Variants in EZH2 observed in about 807,000 individuals in gnomAD.
EZH2 encodes the protein histone-lysine N-methyltransferase EZH2.
In EZH2, 18 loss-of-function variants were observed where a neutral mutation model predicts 98.4. The ratio of observed to expected loss-of-function variants is 0.18; its 90% CI spans 0.13 to 0.27. The LOEUF (loss-of-function observed/expected upper bound fraction) is 0.27. EZH2 is among the 10% of genes least tolerant of loss of function. The pLI, the probability that EZH2 is intolerant of heterozygous loss-of-function variation, is 1.00. For synonymous variants in EZH2, 338 were observed against 312.3 expected (o/e 1.08, Z -0.87); for missense variants, 470 against 935.1 (o/e 0.50, Z 6.49).
At chr7:148,843,249 G>C (rs1812958014) in intron 3 of EZH2, among the ~76,000 whole-genome samples, 1 of 151,194 alleles carries the variant, frequency 6.6e-6, no homozygotes, top group Non-Finnish European at 1.5e-5. Context: ...GTGGTGGCGT[G>C]TGACTGTAGT....
At position 148,884,251 on chromosome 7, in the gene EZH2, G is replaced by A. The variant is rs1365724658; in HGVS notation, c.-95C>T. 7.3e-5 allele frequency: 13 copies of A among 179,268 alleles called. No individual in the cohort carries two copies. In the East Asian group the frequency reaches 1.2e-3, roughly 17 times the overall value. The allele number at this position is 179,268 out of a possible 1,614,324, so 11.1% of individuals were successfully genotyped here. On this transcript the variant is annotated 5_prime_UTR_variant, in exon 1 of 20. Transcript: ENST00000320356. ...CCGCCGGGGCTCCACTGCCTTCTGA[G>A]TCCCACCGGGTGTCGGACGCGACCG... is the stretch of plus-strand genomic sequence containing the variant.
intron 8 of EZH2, among the ~76,000 whole-genome samples, chr7:148,824,176 G>A (rs1023554480): frequency 7.2e-5 from 11 of 152,038 alleles, no homozygotes; most frequent in African/African-American, 2.7e-4. Context: ...TTAGCTGGAC[G>A]TGGTGGCGGG....
At chr7:148,833,154 C>A (rs533571157) in intron 3 of EZH2, among the ~76,000 whole-genome samples, 2 of 151,124 alleles carry the variant, frequency 1.3e-5, no homozygotes, top group South Asian at 2.1e-4. Flanking sequence ...TTAAATCTTA[C>A]TTAATAAGAA....
chr7:148,846,417 T>C (rs1376458331), intron 3 of EZH2, 53 bp downstream of exon 3: 10 of 1,570,872 alleles, frequency 6.4e-6, no homozygotes, highest in Non-Finnish European at 8.7e-6. Context: ...AATGTTCCAA[T>C]AGCATAAACC....
chr7:148,884,231 G>C lies in EZH2; in HGVS notation c.-75C>G, dbSNP rs1411356297. 5.7e-6 allele frequency: 1 copy of C among 174,342 alleles called. No homozygotes were observed. The highest frequency in any genetic ancestry group is 1.2e-5 in the Non-Finnish European group (1 of 81,324). The allele number at this position is 174,342 out of a possible 1,614,324, so 10.8% of individuals were successfully genotyped here. A position where few individuals can be genotyped will look rare whatever the true frequency, so the allele number is the denominator to read the frequency against. ...CCCGCGCGCCGCCGCCGCCGCCGCC[G>C]GGGCTCCACTGCCTTCTGAGTCCCA... On this transcript the variant is annotated 5_prime_UTR_variant, in exon 1 of 20. Transcript: ENST00000320356.
intron 17 of EZH2, 88 bp from the exon 18 acceptor site, chr7:148,809,478 A>G: frequency 2.0e-6 from 2 of 1,024,688 alleles, no homozygotes; most frequent in Non-Finnish European, 2.9e-6. Context: ...GCAACTGGTT[A>G]CAGTTCTTCA....
rs1804808760 is a variant in EZH2, at chr7:148,817,270, G to A, written c.1362C>T (p.Asp454=). The A allele has an allele frequency of 6.2e-7, 1 of 1,613,884 alleles. No homozygotes were observed. The highest frequency in any genetic ancestry group is 8.5e-7 in the Non-Finnish European group (1 of 1,179,958). ...TTAACCTAGCAATGGCACAGAAATT[G>A]TCATAGTAAGTGCCAATGAGGACTC... is the stretch of plus-strand genomic sequence containing the variant. The part of the protein sequence containing the change: ...MFRVLIGTYY[D]NFCAIARLIG... Residue 454 remains aspartate, a synonymous_variant, in exon 11 of 20, where the codon GAC becomes GAT. Coordinates refer to ENST00000320356, the MANE Select transcript of EZH2 (RefSeq NM_004456.5).
At chr7:148,880,799 T>C (rs757836844) in intron 1 of EZH2, among the ~76,000 whole-genome samples, 2 of 152,176 alleles carry the variant, frequency 1.3e-5, no homozygotes, top group African/African-American at 4.8e-5. Context: ...ACCCCTATTC[T>C]CTAGCAAATA....
intron 15 of EZH2, among the ~76,000 whole-genome samples, chr7:148,813,276 T>G (rs1803651577): frequency 6.6e-6 from 1 of 151,298 alleles, no homozygotes; most frequent in Non-Finnish European, 1.5e-5. Flanking sequence ...GCTTAATAAA[T>G]GTCAGCTATT....
At chr7:148,846,620 G>C (rs1563022323) in intron 2 of EZH2, 22 bp from the exon 3 acceptor site, 1 of 1,602,034 alleles carries the variant, frequency 6.2e-7, no homozygotes, top group Non-Finnish European at 8.5e-7. Context: ...AAATGAAGGA[G>C]AGGAAAGGAG....
intron 1 of EZH2, among the ~76,000 whole-genome samples, chr7:148,861,359 T>C (rs990578622): frequency 5.9e-5 from 9 of 151,846 alleles, no homozygotes; most frequent in Non-Finnish European, 7.4e-5. Context: ...CCTGAGTAGC[T>C]GGGATTACAG....
intron 1 of EZH2, 122 bp from the exon 2 acceptor site, chr7:148,847,427 T>C: frequency 4.8e-6 from 6 of 1,243,538 alleles, no homozygotes; most frequent in Non-Finnish European, 6.8e-6. Context: ...ACTGTTGGCA[T>C]TTACAGAAAG....
At chr7:148,843,409 T>C (rs992717344) in intron 3 of EZH2, among the ~76,000 whole-genome samples, 2 of 151,582 alleles carry the variant, frequency 1.3e-5, no homozygotes, top group African/African-American at 4.8e-5. Context: ...GAAAACCACA[T>C]ACTGGAGATG....
Position 148,818,106 on chromosome 7 carries a change from C to T in EZH2, c.1011G>A (p.Lys337=). Residue 337 remains lysine, a synonymous_variant, in exon 10 of 20, where the codon AAG becomes AAA. Coordinates refer to ENST00000320356, the MANE Select transcript of EZH2 (RefSeq NM_004456.5). ...PQCYQHLEGA[K]EFAAALTAER... is the part of the protein sequence containing the mutation. ...CAGCGGTGAGAGCAGCAGCAAACTC[C>T]TTTGCTCCCTCCTACGAAATGAAAA... 1 of 1,576,354 alleles carries T rather than the reference C, an allele frequency of 6.3e-7. No individual in the cohort carries two copies. The highest frequency in any genetic ancestry group is 8.6e-7 in the Non-Finnish European group (1 of 1,163,798).
intron 3 of EZH2, chr7:148,836,726 G>T (rs900459393): frequency 1.5e-5 from 6 of 397,994 alleles, no homozygotes; most frequent in Non-Finnish European, 2.4e-5. Context: ...AAAAGGGGAT[G>T]GGGGGGACTA....
Position 148,807,526 on chromosome 7 carries a change from A to T in EZH2, c.*120T>A. The T allele has an allele frequency of 1.2e-6, 1 of 800,406 alleles. No homozygotes were observed. The highest frequency in any genetic ancestry group is 2.1e-6 in the Non-Finnish European group (1 of 476,738). The allele number at this position is 800,406 out of a possible 1,614,324, so 49.6% of individuals were successfully genotyped here. ...AAACTCATTACTATAAATTATTCTT[A>T]CAGTACTTTGCAAATTCAGAATTTC... On this transcript the variant is annotated 3_prime_UTR_variant, in exon 20 of 20. Coordinates refer to ENST00000320356, the MANE Select transcript of EZH2 (RefSeq NM_004456.5).
intron 3 of EZH2, among the ~76,000 whole-genome samples, chr7:148,844,959 A>T (rs558995534): frequency 1.6e-4 from 21 of 128,990 alleles, no homozygotes; most frequent in African/African-American, 4.7e-4. Context: ...TGCCTGGATT[A>T]AAAAAAAAAA....
At chr7:148,827,412 C>CA in intron 6 of EZH2, 146 bp from the exon 7 acceptor site, 2 of 600,764 alleles carry the variant, frequency 3.3e-6, no homozygotes, top group African/African-American at 1.9e-5. Context: ...TTCTCACATA[C>CA]TTTACATGTC....
chr7:148,832,793 C>T (rs748936483), intron 3 of EZH2, 43 bp from the exon 4 acceptor site: 1 of 1,233,040 alleles, frequency 8.1e-7, no homozygotes, highest in Non-Finnish European at 1.2e-6. Context: ...AATAAAAGGA[C>T]AACCTTAAGC....
Sources: gnomAD v4.1 joint callset for allele counts (sites outside exome capture counted in the v4.1 genomes callset) on GRCh38, gnomAD v4.1.1 for gene constraint, MANE v1.5 for transcripts, NCBI Gene and HGNC (gene_info 2026-07-23, HGNC 2026-07-21) for gene names.